Variants in ZDHHC14 observed in about 807,000 individuals in gnomAD.
ZDHHC14 encodes the protein palmitoyltransferase ZDHHC14.
In ZDHHC14, 16 loss-of-function variants were observed where a neutral mutation model predicts 47.7. The observed-to-expected ratio is 0.34, with a 90% confidence interval of 0.23 to 0.51. The LOEUF (loss-of-function observed/expected upper bound fraction) is 0.51, where lower values mean the gene tolerates loss of function less well. Ranked by LOEUF, ZDHHC14 falls within the 20% of genes least tolerant of loss-of-function variation. The probability of loss-of-function intolerance (pLI) is 0.97; values close to 1 mark genes in which losing one functional copy is unlikely to be tolerated. For synonymous variants in ZDHHC14, 293 were observed against 278.9 expected, an observed-to-expected ratio of 1.05 and a Z score of -0.50; for missense variants, 515 against 662.5, an observed-to-expected ratio of 0.78 and a Z score of 2.44.
At position 157,645,792 on chromosome 6, in the gene ZDHHC14, G is replaced by A; in HGVS notation, c.808G>A (p.Gly270Arg). ...FSVWSIVGLSGFHTYLISSNQ... is the reference protein window; with the variant it reads ...FSVWSIVGLSRFHTYLISSNQ... ...TGTCTGGTCCATCGTTGGCCTCTCA[G>A]GATTCCACACCTACTTGATCAGCTC... Residue 270 changes from glycine to arginine, a missense_variant, in exon 6 of 9, where the codon GGA becomes AGA. Physicochemically the swap from Gly to Arg is moderately radical, Grantham distance 125 (BLOSUM62 -2). This residue lies in a region of ZDHHC14 where 229 missense variants were observed against 351.5 expected (regional missense o/e 0.65). Coordinates refer to ENST00000359775, the MANE Select transcript of ZDHHC14 (RefSeq NM_024630.3). 6.2e-7 allele frequency: 1 copy of A among 1,614,072 alleles called. No individual in the cohort carries two copies. Among genetic ancestry groups the A allele is most frequent in the Non-Finnish European group, 8.5e-7 (1 of 1,180,024 alleles).
At chr6:157,583,226 C>G (rs1028659435) in intron 2 of ZDHHC14, among the ~76,000 whole-genome samples, 1 of 152,050 alleles carries the variant, frequency 6.6e-6, no homozygotes, top group African/African-American at 2.4e-5. Flanking sequence ...TGTCTTTCAG[C>G]CATTTCAGCC....
At chr6:157,584,460 G>A (rs1321357982) in intron 2 of ZDHHC14, among the ~76,000 whole-genome samples, 3 of 152,198 alleles carry the variant, frequency 2.0e-5, no homozygotes, top group African/African-American at 7.2e-5. Context: ...TTGTAAGAAA[G>A]CAGAGTCCAG....
chr6:157,659,318 A>G (rs1778241700), intron 8 of ZDHHC14, among the ~76,000 whole-genome samples: 1 of 152,240 alleles, frequency 6.6e-6, no homozygotes, highest in African/African-American at 2.4e-5. Flanking sequence ...GCCAGCCGAG[A>G]GACCTGGGAA....
At chr6:157,435,363 G>C (rs1475375275) in intron 1 of ZDHHC14, among the ~76,000 whole-genome samples, 1 of 152,206 alleles carries the variant, frequency 6.6e-6, no homozygotes, top group African/African-American at 2.4e-5. Context: ...GTAGGAGAAG[G>C]GAGGGAAGGA....
At chr6:157,411,920 C>G (rs2114758764) in intron 1 of ZDHHC14, among the ~76,000 whole-genome samples, 1 of 150,926 alleles carries the variant, frequency 6.6e-6, no homozygotes, top group Non-Finnish European at 1.5e-5. Context: ...GAGATATATA[C>G]ATATATATAT....
intron 1 of ZDHHC14, among the ~76,000 whole-genome samples, chr6:157,407,057 GAC>G (rs1777779733): frequency 6.6e-6 from 1 of 152,216 alleles, no homozygotes; most frequent in East Asian, 1.9e-4. Flanking sequence ...AAATGTAATG[GAC>G]ACACATTATG....
chr6:157,503,090 A>G (rs950739003), intron 1 of ZDHHC14, among the ~76,000 whole-genome samples: 1 of 152,156 alleles, frequency 6.6e-6, no homozygotes, highest in Non-Finnish European at 1.5e-5. Context: ...CAACATATTG[A>G]TTTGCCTAAA....
chr6:157,490,646 GAGA>G (rs1779892769), intron 1 of ZDHHC14, among the ~76,000 whole-genome samples: 1 of 152,220 alleles, frequency 6.6e-6, no homozygotes, highest in Non-Finnish European at 1.5e-5. Context: ...AGGTCTCTTG[GAGA>G]AGTTGAGTCT....
chr6:157,475,956 G>A (rs1779471224), intron 1 of ZDHHC14, among the ~76,000 whole-genome samples: 1 of 152,048 alleles, frequency 6.6e-6, no homozygotes, highest in Non-Finnish European at 1.5e-5. Context: ...AGCAAAACAA[G>A]TCCTAAGAGG....
At chr6:157,403,461 C>A (rs1275757654) in intron 1 of ZDHHC14, among the ~76,000 whole-genome samples, 1 of 152,190 alleles carries the variant, frequency 6.6e-6, no homozygotes, top group Non-Finnish European at 1.5e-5. Context: ...GGGAAGGCTG[C>A]CAGTTGCTTT....
At chr6:157,645,304 G>T (rs894815902) in intron 5 of ZDHHC14, among the ~76,000 whole-genome samples, 2 of 152,162 alleles carry the variant, frequency 1.3e-5, no homozygotes, top group African/African-American at 4.8e-5. Context: ...GCCAAAATTA[G>T]AGTCTGTGAT....
At chr6:157,535,963 T>A (rs1562467324) in intron 1 of ZDHHC14, among the ~76,000 whole-genome samples, 2 of 152,198 alleles carry the variant, frequency 1.3e-5, no homozygotes, top group African/African-American at 4.8e-5. Flanking sequence ...TTGCAGTGAC[T>A]CATTTGAAAA....
intron 1 of ZDHHC14, among the ~76,000 whole-genome samples, chr6:157,479,031 G>A (rs1779555820): frequency 6.6e-6 from 1 of 152,164 alleles, no homozygotes; most frequent in Admixed American, 6.5e-5. Flanking sequence ...ACTGTGTTGG[G>A]CTGGAGATCT....
At chr6:157,544,419 G>A (rs1781886754) in intron 2 of ZDHHC14, among the ~76,000 whole-genome samples, 1 of 152,146 alleles carries the variant, frequency 6.6e-6, no homozygotes, top group Non-Finnish European at 1.5e-5. Context: ...AGGTCAAGGT[G>A]GGAGGATCAC....
intron 1 of ZDHHC14, among the ~76,000 whole-genome samples, chr6:157,540,207 T>C (rs1781695002): frequency 6.6e-6 from 1 of 152,142 alleles, no homozygotes; most frequent in African/African-American, 2.4e-5. Context: ...AGTGAGAGTG[T>C]GGCAGGGGAC....
At chr6:157,633,721 C>T (rs923630451) in intron 5 of ZDHHC14, among the ~76,000 whole-genome samples, 15 of 152,210 alleles carry the variant, frequency 9.9e-5, no homozygotes, top group African/African-American at 3.6e-4. Flanking sequence ...TACCCCATCA[C>T]CCACCCAGGC....
chr6:157,468,866 C>T (rs575080839), intron 1 of ZDHHC14, among the ~76,000 whole-genome samples: 5 of 152,288 alleles, frequency 3.3e-5, no homozygotes, highest in East Asian at 1.9e-4. Flanking sequence ...AAAAATTTGA[C>T]GCTCAGACGT....
rs912888143 is a variant in ZDHHC14 at position 157,673,033 on chromosome 6, A to G, written c.1378A>G (p.Ser460Gly). ...GGCGGCGGGCAGCCCCCTGGCGCACAGCCGCACCATGCACGTGCTGGGCCT... is the reference window on the plus strand; with the variant it reads ...GGCGGCGGGCAGCCCCCTGGCGCACGGCCGCACCATGCACGTGCTGGGCCT... ...LLAAGSPLAH[S>G]RTMHVLGLAS... Residue 460 changes from serine to glycine, a missense_variant, in exon 9 of 9, where the codon AGC becomes GGC. Ser to Gly is a moderately conservative substitution (Grantham distance 56). This residue lies in a region of ZDHHC14 where 221 missense variants were observed against 233.6 expected (regional missense o/e 0.95). Coordinates refer to ENST00000359775, the MANE Select transcript of ZDHHC14 (RefSeq NM_024630.3). This position sits in a 1 kb window ranked among gnomAD's most constrained non-coding sequence, Gnocchi z 5.4. The G allele has an allele frequency of 3.8e-6, 6 of 1,565,794 alleles. No homozygotes were observed. The Admixed American group carries it at 7.2e-5, about 19-fold the overall frequency.
rs1435527066 is a variant in ZDHHC14, at chr6:157,658,550, G to T, written c.1068+4923G>T. ...AAGCCCGCACTTGACACAGGATTGG[G>T]GGTGTGCTGTGGGGCTATGCGCAGT... On this transcript the variant is annotated intron_variant, in intron 8 of 8. Coordinates refer to ENST00000359775, the MANE Select transcript of ZDHHC14 (RefSeq NM_024630.3). Among the ~76,000 whole-genome samples the T allele has an allele frequency of 4.6e-5, 7 of 152,136 alleles. No individual in the cohort carries two copies. The South Asian group carries it at 8.3e-4, about 18-fold the overall frequency.
Sources: gnomAD v4.1 joint callset for allele counts (sites outside exome capture counted in the v4.1 genomes callset) on GRCh38, gnomAD v4.1.1 for gene constraint, gnomAD v4.1.1 regional missense constraint, Gnocchi (gnomAD v3.1) non-coding constraint, MANE v1.5 for transcripts, NCBI Gene and HGNC (gene_info 2026-07-23, HGNC 2026-07-21) for gene names.